COBL: variants seen among roughly 807,000 people sequenced by gnomAD.
The protein encoded by COBL is protein cordon-bleu.
In COBL, 51 loss-of-function variants were observed where a neutral mutation model predicts 98.8. That is an observed-to-expected ratio of 0.52 (90% confidence interval 0.41 to 0.65). The LOEUF (loss-of-function observed/expected upper bound fraction) is 0.65, where lower values mean the gene tolerates loss of function less well. Ranked by LOEUF, COBL falls within the 30% of genes least tolerant of loss-of-function variation. The pLI, the probability that COBL is intolerant of heterozygous loss-of-function variation, is 0.00. For synonymous variants in COBL, 634 were observed against 651.7 expected (o/e 0.97, Z 0.41); for missense variants, 1,617 against 1,617.5 (o/e 1.00, Z 0.01).
At chr7:51,102,025 C>G (rs1359880542) in intron 6 of COBL, among the ~76,000 whole-genome samples, 2 of 152,120 alleles carry the variant, frequency 1.3e-5, no homozygotes, top group Admixed American at 1.3e-4. Flanking sequence ...CTTTTTCTGC[C>G]ATATGAGGAC....
intron 6 of COBL, among the ~76,000 whole-genome samples, chr7:51,109,782 G>A (rs1471986566): frequency 6.6e-6 from 1 of 152,116 alleles, no homozygotes; most frequent in Admixed American, 6.6e-5. Flanking sequence ...GTCTCGTGAG[G>A]GGAAGACAGA....
At chr7:51,257,314 C>G (rs1797280697) in intron 1 of COBL, among the ~76,000 whole-genome samples, 1 of 152,194 alleles carries the variant, frequency 6.6e-6, no homozygotes, top group Non-Finnish European at 1.5e-5. Flanking sequence ...CACACCAAGA[C>G]TCCACTCAGT....
intron 11 of COBL, 113 bp from the exon 12 acceptor site, chr7:51,025,485 A>G (rs1787461122): frequency 9.3e-7 from 1 of 1,074,112 alleles, no homozygotes; most frequent in African/African-American, 1.6e-5. Context: ...GGGGGTGACT[A>G]GGTCATGAGG....
At position 51,216,516 on chromosome 7, in the gene COBL, G is replaced by A. The variant is rs566579553; in HGVS notation, c.245+3225C>T. ...GCCTCAATTAAAATGATGGGATTGTGGCCTCTGTCCAGCAGCTGTGTGGGG... is the reference window on the plus strand; with the variant it reads ...GCCTCAATTAAAATGATGGGATTGTAGCCTCTGTCCAGCAGCTGTGTGGGG... On this transcript the variant is annotated intron_variant, in intron 2 of 12. Coordinates refer to ENST00000265136, the MANE Select transcript of COBL (RefSeq NM_015198.5). Among the ~76,000 whole-genome samples the A allele has an allele frequency of 2.6e-5, 4 of 152,290 alleles. No homozygotes were observed. In the East Asian group the frequency reaches 7.7e-4, roughly 29 times the overall value.
chr7:51,281,178 AACTC>A (rs1398284604), intron 1 of COBL, among the ~76,000 whole-genome samples: 1 of 152,190 alleles, frequency 6.6e-6, no homozygotes, highest in African/African-American at 2.4e-5. Flanking sequence ...TAAAATGAAA[AACTC>A]AAGGAATGGG....
At chr7:51,119,979 T>C (rs887305636) in intron 6 of COBL, among the ~76,000 whole-genome samples, 3 of 152,168 alleles carry the variant, frequency 2.0e-5, no homozygotes, top group African/African-American at 2.4e-5. Flanking sequence ...TCTAAACCAG[T>C]AGATCTCATT....
At position 51,017,149 on chromosome 7, in the gene COBL, G is replaced by A; in HGVS notation, c.*402C>T. Reference sequence around the variant, plus strand: ...CTAAAATTCAAAAGATCTTAAATCAGTAAGTAGTTTCATCCATCTGTATGT... The same window carrying A: ...CTAAAATTCAAAAGATCTTAAATCAATAAGTAGTTTCATCCATCTGTATGT... On this transcript the variant is annotated 3_prime_UTR_variant, in exon 13 of 13. Coordinates refer to ENST00000265136, the MANE Select transcript of COBL (RefSeq NM_015198.5). The A allele has an allele frequency of 2.3e-6, 1 of 437,958 alleles. No individual in the cohort carries two copies. The allele number at this position is 437,958 out of a possible 1,614,324, so 27.1% of individuals were successfully genotyped here.
At chr7:51,208,048 T>G (rs1255800914) in intron 2 of COBL, among the ~76,000 whole-genome samples, 2 of 144,758 alleles carry the variant, frequency 1.4e-5, no homozygotes, top group Non-Finnish European at 1.5e-5. Context: ...TGGCCGCCCA[T>G]TGTCTGAGAT....
intron 7 of COBL, among the ~76,000 whole-genome samples, chr7:51,066,519 G>T (rs533223509): frequency 6.6e-6 from 1 of 152,276 alleles, no homozygotes; most frequent in Non-Finnish European, 1.5e-5. Context: ...ATATTAACTT[G>T]CTTTTGGTTG....
intron 5 of COBL, among the ~76,000 whole-genome samples, chr7:51,137,512 T>C (rs908532304): frequency 2.0e-5 from 3 of 151,716 alleles, no homozygotes; most frequent in Non-Finnish European, 4.4e-5. Context: ...GGTGGGAGGA[T>C]CTCTTGAGCC....
At chr7:51,090,330 A>G (rs1019535225) in intron 6 of COBL, among the ~76,000 whole-genome samples, 6 of 152,222 alleles carry the variant, frequency 3.9e-5, no homozygotes, top group African/African-American at 7.2e-5. Flanking sequence ...GGCAAGCTTA[A>G]TGCCAAGAAT....
At chr7:51,139,251 C>T (rs1317513569) in intron 5 of COBL, among the ~76,000 whole-genome samples, 1 of 152,194 alleles carries the variant, frequency 6.6e-6, no homozygotes, top group African/African-American at 2.4e-5. Context: ...AGATAAAGCA[C>T]ATTAGAAGTG....
chr7:51,127,618 C>T (rs1360115968), intron 6 of COBL, among the ~76,000 whole-genome samples: 1 of 152,128 alleles, frequency 6.6e-6, no homozygotes, highest in African/African-American at 2.4e-5. Context: ...AAGACTAAAG[C>T]ATTCACAATA....
rs145515903 is a variant in COBL, at chr7:51,048,613, T to G, written c.1097-4921A>C. Among the ~76,000 whole-genome samples, 5 of 152,260 alleles carry G rather than the reference T, an allele frequency of 3.3e-5. 1 individual carries two copies. The East Asian group carries it at 9.7e-4, about 29-fold the overall frequency. ...CTACCTAACAGAATCTTATCCTAAC[T>G]GAATGTACTTTATGCTTGAGTTTTT... On this transcript the variant is annotated intron_variant, in intron 7 of 12. Coordinates refer to ENST00000265136, the MANE Select transcript of COBL (RefSeq NM_015198.5).
rs147224099 is a variant in COBL at position 51,042,683 on chromosome 7, A to G, written c.1406+700T>C. On this transcript the variant is annotated intron_variant, in intron 8 of 12. Coordinates refer to ENST00000265136, the MANE Select transcript of COBL (RefSeq NM_015198.5). ...GGCCAAACGTGGCATGTTTTTTAAA[A>G]GAGCAAAGGCTATGAAACGGCAATT... Among the ~76,000 whole-genome samples, 392 of 152,334 alleles carry G rather than the reference A, an allele frequency of 2.6e-3. 2 individuals are homozygous for G. The highest frequency in any genetic ancestry group is 9.2e-3 in the African/African-American group (381 of 41,584).
chr7:51,083,030 C>T, intron 7 of COBL: 3 of 1,534,788 alleles, frequency 2.0e-6, no homozygotes, highest in African/African-American at 1.4e-5. Flanking sequence ...ACAGTTAACA[C>T]AGTCGGAATG....
chr7:51,185,494 C>T (rs569572751), intron 4 of COBL, among the ~76,000 whole-genome samples: 1 of 152,210 alleles, frequency 6.6e-6, no homozygotes, highest in Non-Finnish European at 1.5e-5. Flanking sequence ...AGACGGCACT[C>T]ACACAGCTCA....
rs1480723028 is a variant in COBL, at chr7:51,025,114, TCA to T, written c.3761_3762del (p.Leu1254GlnfsTer33). ...AIRSGTGAAR[L>X]RKVPLLV The stretch of plus-strand genomic sequence containing the variant: ...GCACACACAGTCGCCATCACCTTTC[TCA>T]GTCTCGCAGCCCCTGTGCCGGAGCG... On this transcript the variant is annotated frameshift_variant, in exon 12 of 13. Coordinates refer to ENST00000265136, the MANE Select transcript of COBL (RefSeq NM_015198.5). LOFTEE classifies it high-confidence loss of function. 6 of 1,611,806 alleles carry T rather than the reference TCA, an allele frequency of 3.7e-6. No individual in the cohort carries two copies. In the African/African-American group the frequency reaches 6.7e-5, roughly 18 times the overall value.
At chr7:51,259,624 T>C in intron 1 of COBL, 1 of 733,276 alleles carries the variant, frequency 1.4e-6, no homozygotes, top group Admixed American at 1.8e-5. Context: ...TCCAAGCAAA[T>C]GACACCAAAA....
Sources: gnomAD v4.1 joint callset for allele counts (sites outside exome capture counted in the v4.1 genomes callset) on GRCh38, gnomAD v4.1.1 for gene constraint, MANE v1.5 for transcripts, NCBI Gene and HGNC (gene_info 2026-07-23, HGNC 2026-07-21) for gene names.